RPL7A: variants seen among roughly 807,000 people sequenced by gnomAD.
RPL7A encodes large ribosomal subunit protein eL8.
For synonymous variants in RPL7A, 158 were observed against 128.2 expected (o/e 1.23, Z -1.57); for missense variants, 291 against 338.2 (o/e 0.86, Z 1.09).
chr9:133,349,566 C>T lies in RPL7A; in HGVS notation c.140C>T (p.Pro47Leu). The T allele has an allele frequency of 4.3e-6, 7 of 1,614,066 alleles. No individual in the cohort carries two copies. The highest frequency in any genetic ancestry group is 5.9e-6 in the Non-Finnish European group (7 of 1,179,988). ...KNFGIGQDIQ[P>L]KRDLTRFVKW... ...TACTTCTCAGGACAGGACATCCAGC[C>T]CAAAAGAGACCTCACCCGCTTTGTG... The change falls in exon 3 of 8, where the codon CCC (proline) becomes CTC (leucine). Residue 47 changes from proline to leucine, a missense_variant. Coordinates refer to ENST00000323345, the MANE Select transcript of RPL7A (RefSeq NM_000972.3).
At chr9:133,350,161 G>A in intron 4 of RPL7A, 79 bp from the exon 5 acceptor site, 1 of 1,611,400 alleles carries the variant, frequency 6.2e-7, no homozygotes, top group Non-Finnish European at 8.5e-7. Flanking sequence ...TTTTAACACT[G>A]AGTCAGCAGC....
chr9:133,348,359 C>T, intron 1 of RPL7A, 113 bp downstream of exon 1: 1 of 1,452,378 alleles, frequency 6.9e-7, no homozygotes, highest in Non-Finnish European at 9.7e-7. Flanking sequence ...GCTAGGAGAG[C>T]CCCACTCGGT....
chr9:133,349,519 A>AC, intron 2 of RPL7A, 32 bp from the exon 3 acceptor site: 1 of 1,613,948 alleles, frequency 6.2e-7, no homozygotes, highest in Non-Finnish European at 8.5e-7. Context: ...ATGGAATTTG[A>AC]GCCTCACTCG....
intron 7 of RPL7A, 77 bp downstream of exon 7, chr9:133,351,148 G>A (rs1371298047): frequency 6.4e-7 from 1 of 1,557,674 alleles, no homozygotes; most frequent in Non-Finnish European, 8.8e-7. Context: ...TAACCTATGA[G>A]AAGTTCTATC....
intron 3 of RPL7A, 71 bp downstream of exon 3, chr9:133,349,771 A>T: frequency 6.3e-7 from 1 of 1,597,788 alleles, no homozygotes; most frequent in South Asian, 1.1e-5. Flanking sequence ...CATGAGGGGG[A>T]TGGTCTTAGG....
At chr9:133,350,965 C>T in intron 6 of RPL7A, 37 bp from the exon 7 acceptor site, 1 of 1,609,550 alleles carries the variant, frequency 6.2e-7, no homozygotes, top group Non-Finnish European at 8.5e-7. Flanking sequence ...GAAACTAAGG[C>T]AAAAAACCCA....
intron 5 of RPL7A, 130 bp downstream of exon 5, chr9:133,350,449 G>T: frequency 6.7e-7 from 1 of 1,496,994 alleles, no homozygotes. Flanking sequence ...CAACACATGC[G>T]TGGCTCTTGC....
chr9:133,348,520 G>A (rs957338411), intron 1 of RPL7A: 1 of 604,370 alleles, frequency 1.7e-6, no homozygotes, highest in East Asian at 2.8e-5. Flanking sequence ...CCGCAGTGCG[G>A]GGCTCGGAGC....
At chr9:133,348,789 G>T in intron 1 of RPL7A, 133 bp from the exon 2 acceptor site, 1 of 1,371,668 alleles carries the variant, frequency 7.3e-7, no homozygotes, top group Non-Finnish European at 1.0e-6. Context: ...CTGGGGGGTT[G>T]CAGAAAGCTG....
chr9:133,350,974 C>T (rs1264977170), intron 6 of RPL7A, 28 bp from the exon 7 acceptor site: 2 of 1,612,848 alleles, frequency 1.2e-6, no homozygotes, highest in East Asian at 2.2e-5. Context: ...GCAAAAAACC[C>T]ACTTTTGTTT....
rs2129998853 is a variant in RPL7A at position 133,351,242 on chromosome 9, G to A, written c.697-20G>A. ...CAGAAAACAGTAAGCCAAGCTAACT[G>A]CCTCTTTTTGTCTTTTCAGATCCGC... On this transcript the variant is annotated intron_variant, in intron 7 of 7. Coordinates refer to ENST00000323345, the MANE Select transcript of RPL7A (RefSeq NM_000972.3). The A allele has an allele frequency of 6.2e-7, 1 of 1,608,190 alleles. No homozygotes were observed. The highest frequency in any genetic ancestry group is 1.7e-5 in the Admixed American group (1 of 59,966).
At chr9:133,350,510 C>CTT (rs2129994258) in intron 5 of RPL7A, 87 bp from the exon 6 acceptor site, 1 of 1,604,408 alleles carries the variant, frequency 6.2e-7, no homozygotes, top group South Asian at 1.1e-5. Flanking sequence ...AATCCATGAG[C>CTT]TTTTTAACCC....
In RPL7A at chr9:133,351,322, C is replaced by G. The variant is rs2129999365; in HGVS notation, c.757C>G (p.Leu253Val). ...TAAGTCTGTGGCTCGTATCGCCAAG[C>G]TCGAAAAGGCAAAGGCTAAAGAACT... ...GPKSVARIAK[L>V]EKAKAKELAT... Residue 253 changes from leucine to valine, a missense_variant, in exon 8 of 8, where the codon CTC (leucine) becomes GTC (valine). Transcript: ENST00000323345. The G allele has an allele frequency of 3.1e-6, 5 of 1,613,750 alleles. No individual in the cohort carries two copies. The South Asian group carries it at 5.5e-5, about 18-fold the overall frequency.
rs1564345978 is a variant in RPL7A at position 133,351,369 on chromosome 9, G to GTACACTGTT, written c.*4_*12dup. ...AACTTGCCACTAAACTGGGTTAAATGTACACTGTTGAGTTTTCTGTACATA... is the reference window on the plus strand; with the variant it reads ...AACTTGCCACTAAACTGGGTTAAATGTACACTGTTTACACTGTTGAGTTTTCTGTACATA... On this transcript the variant is annotated 3_prime_UTR_variant, in exon 8 of 8. Coordinates refer to ENST00000323345, the MANE Select transcript of RPL7A (RefSeq NM_000972.3). 6.3e-7 allele frequency: 1 copy of GTACACTGTT among 1,579,230 alleles called. No individual in the cohort carries two copies. The highest frequency in any genetic ancestry group is 2.2e-5 in the East Asian group (1 of 44,646).
chr9:133,349,261 T>C, intron 2 of RPL7A: 1 of 744,982 alleles, frequency 1.3e-6, no homozygotes, highest in South Asian at 1.6e-5. Context: ...TGAATTCAGC[T>C]TAGCCATCTG....
intron 1 of RPL7A, 86 bp from the exon 2 acceptor site, chr9:133,348,836 C>G (rs2129981341): frequency 1.2e-4 from 186 of 1,605,950 alleles, no homozygotes; most frequent in Non-Finnish European, 1.5e-4. Flanking sequence ...TGTCAGCGTC[C>G]CTTGTTTTGG....
chr9:133,348,948 G>A lies in RPL7A; in HGVS notation c.30G>A (p.Lys10=). Reference sequence around the variant, plus strand: ...CGAAAGGAAAGAAGGCCAAGGGAAAGAAGGTGGCTCCGGCCCCAGCTGTCG... The same window carrying A: ...CGAAAGGAAAGAAGGCCAAGGGAAAAAAGGTGGCTCCGGCCCCAGCTGTCG... MPKGKKAKG[K]KVAPAPAVVK... The change falls in exon 2 of 8, where the codon AAG becomes AAA. Residue 10 remains lysine (K), a synonymous_variant. Transcript: ENST00000323345. The A allele has an allele frequency of 6.2e-7, 1 of 1,614,022 alleles. No individual in the cohort carries two copies. The highest frequency in any genetic ancestry group is 8.5e-7 in the Non-Finnish European group (1 of 1,179,996).
At chr9:133,350,498 C>A in intron 5 of RPL7A, 99 bp from the exon 6 acceptor site, 3 of 1,587,220 alleles carry the variant, frequency 1.9e-6, no homozygotes, top group Non-Finnish European at 8.7e-7. Context: ...CCTTGAAGTG[C>A]GAATCCATGA....
At chr9:133,350,559 T>G (rs1253817806) in intron 5 of RPL7A, 38 bp from the exon 6 acceptor site, 1 of 1,614,116 alleles carries the variant, frequency 6.2e-7, no homozygotes, top group African/African-American at 1.3e-5. Flanking sequence ...TTGCTGCTTT[T>G]GGTCAAAATA....
Sources: gnomAD v4.1 joint callset for allele counts on GRCh38, gnomAD v4.1.1 for gene constraint, MANE v1.5 for transcripts, NCBI Gene and HGNC (gene_info 2026-07-23, HGNC 2026-07-21) for gene names.